CRHR2: variants seen among roughly 807,000 people sequenced by gnomAD.
CRHR2 encodes corticotropin-releasing hormone receptor 2.
A neutral mutation model predicts 57.9 loss-of-function variants in CRHR2; 53 were observed. The ratio of observed to expected loss-of-function variants is 0.92; its 90% confidence interval spans 0.73 to 1.15. The LOEUF (loss-of-function observed/expected upper bound fraction) is 1.15. Ranked by LOEUF, CRHR2 falls within the 50% of genes most tolerant of loss-of-function variation. CRHR2 has a pLI of 0.00. For missense variants in CRHR2, 532 were observed against 542.6 expected, an observed-to-expected ratio of 0.98 and a Z score of 0.19; for synonymous variants, 213 against 220.9, an observed-to-expected ratio of 0.96 and a Z score of 0.32.
At chr7:30,679,390 G>A (rs1221677468) in intron 2 of CRHR2, among the ~76,000 whole-genome samples, 1 of 152,222 alleles carries the variant, frequency 6.6e-6, no homozygotes, top group African/African-American at 2.4e-5. Flanking sequence ...TCATGTGTCT[G>A]AGACTCAGTG....
Position 30,667,304 on chromosome 7 carries a change from T to C in CRHR2, c.239A>G (p.Tyr80Cys), listed in dbSNP as rs747109087. ...CGTCCCATTCTCCAAGCATTCTCGA[T>C]AGGCATTCCCTACAAAAAATGCCAA... ...GVKYNTTRNA[Y>C]RECLENGTWA... Residue 80 changes from tyrosine (Y) to cysteine (C), a missense_variant, in exon 3 of 12, where the codon TAT (tyrosine) becomes TGT (cysteine). Physicochemically the swap from Tyr to Cys is radical, Grantham distance 194. Transcript: ENST00000471646. 5 of 1,614,148 alleles carry C rather than the reference T, an allele frequency of 3.1e-6. No individual in the cohort carries two copies. In the South Asian group the frequency reaches 4.4e-5, roughly 14 times the overall value.
upstream of CRHR2, among the ~76,000 whole-genome samples, chr7:30,683,491 C>T (rs916072579): frequency 2.0e-5 from 3 of 152,170 alleles, no homozygotes; most frequent in Non-Finnish European, 4.4e-5. Flanking sequence ...GTGCCCAGGG[C>T]GGGCCTGCTG....
intron 11 of CRHR2, 98 bp downstream of exon 11, chr7:30,654,941 G>C: frequency 6.4e-7 from 1 of 1,561,782 alleles, no homozygotes; most frequent in Non-Finnish European, 8.7e-7. Context: ...TCCTCTCCCT[G>C]GCACTCCAGC....
upstream of CRHR2, among the ~76,000 whole-genome samples, chr7:30,684,617 G>C (rs944632952): frequency 6.6e-6 from 1 of 152,188 alleles, no homozygotes. Flanking sequence ...AGAGTCAAAG[G>C]CTGTTCTGCA....
chr7:30,653,559 G>A lies in CRHR2; in HGVS notation c.1137C>T (p.Asp379=). 1 of 1,613,182 alleles carries A rather than the reference G, an allele frequency of 6.2e-7. No individual in the cohort carries two copies. The highest frequency in any genetic ancestry group is 8.5e-7 in the Non-Finnish European group (1 of 1,179,908). ...AVRKRWHRWQ[D]HHSLRVPMAR... Reference sequence around the variant, plus strand: ...CCATGGGGACTCGAAGGGAGTGATGGTCCTGCCAGCGGTGCCACCTCTTCC... The same window carrying A: ...CCATGGGGACTCGAAGGGAGTGATGATCCTGCCAGCGGTGCCACCTCTTCC... Residue 379 remains aspartate, a synonymous_variant, in exon 12 of 12, where the codon GAC becomes GAT. Transcript: ENST00000471646. The surrounding 1 kb of genome is among the most constrained non-coding windows in gnomAD (Gnocchi z 5.0).
At chr7:30,677,534 C>T (rs1157791846) in intron 2 of CRHR2, among the ~76,000 whole-genome samples, 1 of 152,176 alleles carries the variant, frequency 6.6e-6, no homozygotes, top group African/African-American at 2.4e-5. Flanking sequence ...TTCTAGCCAC[C>T]CAGGATTTGA....
intron 10 of CRHR2, 101 bp downstream of exon 10, chr7:30,655,479 T>C: frequency 1.4e-6 from 2 of 1,400,634 alleles, no homozygotes; most frequent in East Asian, 2.3e-5. Context: ...AACTGAGCCA[T>C]GGGTGTGCCA....
rs776448334 is a variant in CRHR2 at position 30,655,960 on chromosome 7, C to T, written c.884G>A (p.Arg295His). Residue 295 changes from arginine to histidine, a missense_variant, in exon 9 of 12, where the codon CGC becomes CAC. Physicochemically the swap from Arg to His is conservative, Grantham distance 29. Transcript: ENST00000471646. Reference protein sequence around the residue: ...NIVRILMTKLRASTTSETIQY... With the variant: ...NIVRILMTKLHASTTSETIQY... Reference sequence around the variant, plus strand: ...GATTGTCTCGGATGTGGTGGACGCGCGTAACTTTGTCATTAGGATCCTGAC... The same window carrying T: ...GATTGTCTCGGATGTGGTGGACGCGTGTAACTTTGTCATTAGGATCCTGAC... The T allele has an allele frequency of 1.5e-5, 25 of 1,613,832 alleles. No homozygotes were observed. Among genetic ancestry groups the T allele is most frequent in the African/African-American group, 8.0e-5 (6 of 74,956 alleles).
intron 2 of CRHR2, among the ~76,000 whole-genome samples, chr7:30,668,430 C>T (rs1225799763): frequency 3.9e-5 from 6 of 152,238 alleles, no homozygotes; most frequent in African/African-American, 1.4e-4. Flanking sequence ...TACCAGGGTT[C>T]AGCTCTCTGA....
chr7:30,692,523 G>A (rs1784982260), intron 1 of CRHR2, among the ~76,000 whole-genome samples: 1 of 152,192 alleles, frequency 6.6e-6, no homozygotes, highest in Admixed American at 6.5e-5. Context: ...GAAGGACTTG[G>A]GCCATAGGAA....
Position 30,665,298 on chromosome 7 carries a change from G to A in CRHR2, c.426-111C>T. On this transcript the variant is annotated intron_variant, in intron 4 of 11. Transcript: ENST00000471646. This position sits in a 1 kb window ranked among gnomAD's most constrained non-coding sequence, Gnocchi z 4.5. ...TGGGATGAGGGCAGGGCTGCACTAG[G>A]AGCCACTTCCCACCCATGGTGGCCA... 1.0e-6 allele frequency: 1 copy of A among 967,064 alleles called. No homozygotes were observed. The highest frequency in any genetic ancestry group is 1.6e-6 in the Non-Finnish European group (1 of 620,872). 59.9% of individuals were successfully genotyped at this position (967,064 alleles called of 1,614,324 possible). A position where few individuals can be genotyped will look rare whatever the true frequency, so the allele number is the denominator to read the frequency against.
intron 1 of CRHR2, among the ~76,000 whole-genome samples, chr7:30,690,370 C>T (rs1282332788): frequency 3.3e-5 from 5 of 152,168 alleles, no homozygotes; most frequent in Non-Finnish European, 7.3e-5. Context: ...TAAATTCTAA[C>T]GCTTGGCCCC....
At position 30,653,519 on chromosome 7, in the gene CRHR2, T is replaced by C. The variant is rs779869891; in HGVS notation, c.1177A>G (p.Ile393Val). ...CTGATCCGTGTGGGTGATGTAGGGA[T>C]GGACATGGCCCGGGCCATGGGGACT... ...LRVPMARAMS[I>V]PTSPTRISFH... Residue 393 changes from isoleucine to valine, a missense_variant, in exon 12 of 12, where the codon ATC (isoleucine) becomes GTC (valine). Coordinates refer to ENST00000471646, the MANE Select transcript of CRHR2 (RefSeq NM_001883.5). This position sits in a 1 kb window ranked among gnomAD's most constrained non-coding sequence, Gnocchi z 5.0. The C allele has an allele frequency of 6.2e-7, 1 of 1,613,428 alleles. No individual in the cohort carries two copies. Among genetic ancestry groups the C allele is most frequent in the South Asian group, 1.1e-5 (1 of 91,054 alleles).
intron 8 of CRHR2, among the ~76,000 whole-genome samples, chr7:30,659,182 C>T (rs1783898480): frequency 6.6e-6 from 1 of 152,122 alleles, no homozygotes; most frequent in African/African-American, 2.4e-5. Context: ...AGAGCTGGGC[C>T]CAAAGGAAAG....
At chr7:30,696,187 A>G (rs1017398114) in intron 1 of CRHR2, among the ~76,000 whole-genome samples, 1 of 152,188 alleles carries the variant, frequency 6.6e-6, no homozygotes, top group Admixed American at 6.5e-5. Flanking sequence ...CCAAAAAAAA[A>G]TAGAATGAAT....
At chr7:30,676,611 C>T (rs1784524403) in intron 2 of CRHR2, among the ~76,000 whole-genome samples, 1 of 152,230 alleles carries the variant, frequency 6.6e-6, no homozygotes, top group Non-Finnish European at 1.5e-5. Context: ...CCAAGCCCCT[C>T]TTCCCGATCT....
chr7:30,674,922 GC>G (rs746305076), intron 2 of CRHR2, among the ~76,000 whole-genome samples: 2 of 152,182 alleles, frequency 1.3e-5, no homozygotes, highest in East Asian at 1.9e-4. Flanking sequence ...TCTACAGGGA[GC>G]CCCAAGCAGC....
rs1167257454 is a variant in CRHR2 at position 30,667,307 on chromosome 7, G to T, written c.236C>A (p.Ala79Asp). Residue 79 changes from alanine to aspartate, a missense_variant, in exon 3 of 12, where the codon GCC (alanine) becomes GAC (aspartate). Transcript: ENST00000471646. The stretch of plus-strand genomic sequence containing the variant: ...CCCATTCTCCAAGCATTCTCGATAG[G>T]CATTCCCTACAAAAAATGCCAACTG... ...NGVKYNTTRN[A>D]YRECLENGTW... 2 of 1,614,030 alleles carry T rather than the reference G, an allele frequency of 1.2e-6. No homozygotes were observed. Among genetic ancestry groups the T allele is most frequent in the Non-Finnish European group, 1.7e-6 (2 of 1,179,950 alleles).
At chr7:30,662,550 A>G (rs1562796390) in intron 6 of CRHR2, 144 bp downstream of exon 6, 2 of 968,516 alleles carry the variant, frequency 2.1e-6, no homozygotes, top group Non-Finnish European at 3.1e-6. Flanking sequence ...CCTCACCAGC[A>G]TGGAGGGAAG....
Sources: gnomAD v4.1 joint callset for allele counts (sites outside exome capture counted in the v4.1 genomes callset) on GRCh38, gnomAD v4.1.1 for gene constraint, Gnocchi (gnomAD v3.1) non-coding constraint, MANE v1.5 for transcripts, NCBI Gene and HGNC (gene_info 2026-07-23, HGNC 2026-07-21) for gene names.